Variants in CAPZB observed in about 807,000 individuals in gnomAD.
CAPZB encodes capping actin protein of muscle Z-line subunit beta.
A neutral mutation model predicts 38.1 loss-of-function variants in CAPZB; 2 were observed. The observed-to-expected ratio is 0.05, with a 90% confidence interval of 0.02 to 0.17. CAPZB has a LOEUF of 0.17. Among genes scored for constraint, CAPZB ranks in the 10% least tolerant of loss-of-function variants. CAPZB has a pLI of 1.00. For missense variants in CAPZB, 161 were observed against 334.2 expected (o/e 0.48, Z 4.04); for synonymous variants, 107 against 127.4 (o/e 0.84, Z 1.08).
chr1:19,365,307 T>A (rs2094077475), intron 4 of CAPZB, among the ~76,000 whole-genome samples: 2 of 152,156 alleles, frequency 1.3e-5, no homozygotes, highest in African/African-American at 4.8e-5. Flanking sequence ...ATCCCGAAGC[T>A]GTTGTGATCT....
At chr1:19,436,096 C>T (rs2094457421) in intron 1 of CAPZB, among the ~76,000 whole-genome samples, 1 of 152,232 alleles carries the variant, frequency 6.6e-6, no homozygotes, top group South Asian at 2.1e-4. Context: ...CACCCCTTAT[C>T]TGCAGTTTTG....
chr1:19,397,915 T>TC (rs2094281053), intron 2 of CAPZB, among the ~76,000 whole-genome samples: 1 of 152,190 alleles, frequency 6.6e-6, no homozygotes, highest in Admixed American at 6.5e-5. Context: ...ACCACTGATC[T>TC]GGGGGGCTCA....
chr1:19,441,244 G>A (rs1394157897), intron 1 of CAPZB, among the ~76,000 whole-genome samples: 1 of 152,206 alleles, frequency 6.6e-6, no homozygotes, highest in Non-Finnish European at 1.5e-5. Flanking sequence ...CCTTGGGTCT[G>A]TACTCTCCCT....
intron 2 of CAPZB, among the ~76,000 whole-genome samples, chr1:19,407,280 G>C (rs939153421): frequency 6.6e-6 from 1 of 152,264 alleles, no homozygotes; most frequent in Admixed American, 6.5e-5. Context: ...AGCATTTTCT[G>C]CATCAGGGTC....
At chr1:19,351,833 G>A (rs1041241409) in intron 6 of CAPZB, among the ~76,000 whole-genome samples, 21 of 152,098 alleles carry the variant, frequency 1.4e-4, no homozygotes, top group Admixed American at 1.3e-3. Flanking sequence ...TGCCTCAGCC[G>A]CCTCCTGCCA....
chr1:19,368,837 A>G (rs1039308415), intron 4 of CAPZB, among the ~76,000 whole-genome samples: 1 of 152,110 alleles, frequency 6.6e-6, no homozygotes, highest in Middle Eastern at 3.4e-3. Flanking sequence ...CACCGCACCT[A>G]TTCTTGATAC....
At chr1:19,468,028 A>G (rs2094574289) in intron 1 of CAPZB, among the ~76,000 whole-genome samples, 1 of 152,134 alleles carries the variant, frequency 6.6e-6, no homozygotes, top group Non-Finnish European at 1.5e-5. Flanking sequence ...CCTTGAGCTC[A>G]GGAGTCCAAG....
intron 4 of CAPZB, among the ~76,000 whole-genome samples, chr1:19,362,785 C>T (rs736713): frequency 0.12 from 18,242 of 152,180 alleles, 2,400 homozygotes; most frequent in African/African-American, 0.33. Flanking sequence ...AGTCAAGAGG[C>T]TGAATGACAT....
At chr1:19,450,592 G>A (rs2100694280) in intron 1 of CAPZB, among the ~76,000 whole-genome samples, 1 of 152,278 alleles carries the variant, frequency 6.6e-6, no homozygotes, top group African/African-American at 2.4e-5. Context: ...GTAGGGAGAG[G>A]TTAAGGAGCT....
At chr1:19,391,300 G>A (rs774653660) in intron 2 of CAPZB, among the ~76,000 whole-genome samples, 9 of 152,100 alleles carry the variant, frequency 5.9e-5, no homozygotes, top group African/African-American at 9.7e-5. Flanking sequence ...TCAGACCCAC[G>A]GAGTCTAACC....
At chr1:19,412,632 G>A (rs1057189517) in intron 2 of CAPZB, among the ~76,000 whole-genome samples, 2 of 152,096 alleles carry the variant, frequency 1.3e-5, no homozygotes, top group Non-Finnish European at 2.9e-5. Flanking sequence ...CCTTGAGGCA[G>A]GCACCTGTGG....
At chr1:19,395,317 C>T (rs1274285342) in intron 2 of CAPZB, among the ~76,000 whole-genome samples, 1 of 152,096 alleles carries the variant, frequency 6.6e-6, no homozygotes, top group African/African-American at 2.4e-5. Flanking sequence ...ATGAGTCTTC[C>T]ACATGCCATT....
Position 19,342,926 on chromosome 1 carries a change from G to A in CAPZB, c.731+1432C>T, listed in dbSNP as rs550678891. ...AAGAGAACGACGAGAAGCCAGGAAC[G>A]CAGGGGGCCACAGCTGAGGAGGAAA... On this transcript the variant is annotated intron_variant, in intron 8 of 8. Coordinates refer to ENST00000264202, the MANE Select transcript of CAPZB (RefSeq NM_004930.5). The A allele has an allele frequency of 3.3e-5, 33 of 998,008 alleles. No individual in the cohort carries two copies. In the Admixed American group the frequency reaches 3.8e-4, roughly 12 times the overall value. The allele number at this position is 998,008 out of a possible 1,614,324, so 61.8% of individuals were successfully genotyped here.
intron 4 of CAPZB, among the ~76,000 whole-genome samples, chr1:19,364,299 C>G (rs959280264): frequency 6.6e-6 from 1 of 152,202 alleles, no homozygotes; most frequent in African/African-American, 2.4e-5. Flanking sequence ...TGCATCAGGG[C>G]CTGTATGAGG....
In CAPZB at chr1:19,344,533, C is replaced by T. The variant is rs1031663639; in HGVS notation, c.655-99G>A. 4.2e-6 allele frequency: 4 copies of T among 945,808 alleles called. No individual in the cohort carries two copies. In the Admixed American group the frequency reaches 5.2e-5, roughly 12 times the overall value. 58.6% of individuals were successfully genotyped at this position (945,808 alleles called of 1,614,324 possible). A position where few individuals can be genotyped will look rare whatever the true frequency, so the allele number is the denominator to read the frequency against. On this transcript the variant is annotated intron_variant, in intron 7 of 8. Transcript: ENST00000264202. ...AGCCCTGCAGTCCCCAGTGTGGCCA[C>T]TGGAGGGTGGCACACGCCTGCTCTG...
chr1:19,484,341 G>C, intron 1 of CAPZB: 2 of 1,570,290 alleles, frequency 1.3e-6, no homozygotes, highest in Non-Finnish European at 1.7e-6. Flanking sequence ...GGCCTCACAA[G>C]GGCGATTGTG....
At chr1:19,373,306 A>G (rs2094128365) in intron 4 of CAPZB, among the ~76,000 whole-genome samples, 2 of 152,080 alleles carry the variant, frequency 1.3e-5, no homozygotes, top group African/African-American at 2.4e-5. Context: ...CTTTCAATCC[A>G]CAGGGGAGAG....
intron 1 of CAPZB, among the ~76,000 whole-genome samples, chr1:19,454,115 C>T (rs1465942512): frequency 6.6e-6 from 1 of 152,166 alleles, no homozygotes; most frequent in Non-Finnish European, 1.5e-5. Flanking sequence ...CAGGCTCAGG[C>T]CCTCCAACAG....
chr1:19,464,440 C>T (rs1028399983), intron 1 of CAPZB, among the ~76,000 whole-genome samples: 13 of 151,484 alleles, frequency 8.6e-5, no homozygotes, highest in Admixed American at 2.6e-4. Context: ...TACAGGTGCC[C>T]GCCACCATGC....
Sources: allele counts gnomAD v4.1 joint callset (sites outside exome capture counted in the v4.1 genomes callset), GRCh38; gene constraint gnomAD v4.1.1; transcripts MANE v1.5; gene names NCBI Gene and HGNC (gene_info 2026-07-23, HGNC 2026-07-21).